Variants in C1QTNF9 observed in about 807,000 individuals in gnomAD.
C1QTNF9 encodes C1q and TNF related 9, also known as complement C1q and tumor necrosis factor-related protein 9A.
Under a neutral mutation model 10.1 loss-of-function variants are expected in C1QTNF9, and 6 were observed. The ratio of observed to expected loss-of-function variants is 0.59; its 90% CI spans 0.32 to 1.17. The LOEUF (loss-of-function observed/expected upper bound fraction) is 1.17, where lower values mean the gene tolerates loss of function less well. Among genes scored for constraint, C1QTNF9 ranks in the 50% most tolerant of loss-of-function variants. The pLI, the probability that C1QTNF9 is intolerant of heterozygous loss-of-function variation, is 0.04. For synonymous variants in C1QTNF9, 98 were observed against 163.5 expected, an observed-to-expected ratio of 0.60 and a Z score of 3.06; for missense variants, 201 against 418.8, an observed-to-expected ratio of 0.48 and a Z score of 4.54.
At chr13:24,309,932 G>A (rs2138798316) in intron 1 of C1QTNF9, among the ~76,000 whole-genome samples, 1 of 152,174 alleles carries the variant, frequency 6.6e-6, no homozygotes, top group Admixed American at 6.5e-5. Context: ...GTCTTGCTCT[G>A]TCGCCCAGGC....
chr13:24,310,373 G>A (rs1471555218), intron 1 of C1QTNF9, among the ~76,000 whole-genome samples: 4 of 147,308 alleles, frequency 2.7e-5, no homozygotes, highest in Non-Finnish European at 4.5e-5. Flanking sequence ...CTGTGGTCTC[G>A]ATCTCCTGAC....
chr13:24,313,144 G>A (rs866562002), intron 1 of C1QTNF9, among the ~76,000 whole-genome samples: 1 of 152,128 alleles, frequency 6.6e-6, no homozygotes, highest in Middle Eastern at 3.4e-3. Context: ...CAGAAATAGT[G>A]GCACAACTTA....
intron 1 of C1QTNF9, among the ~76,000 whole-genome samples, chr13:24,312,785 T>A (rs1219356101): frequency 1.3e-5 from 2 of 151,168 alleles, no homozygotes; most frequent in African/African-American, 2.4e-5. Context: ...TGAAACCCCG[T>A]CTCTACTAAA....
chr13:24,313,767 G>T (rs909223382), intron 1 of C1QTNF9, among the ~76,000 whole-genome samples: 3 of 152,076 alleles, frequency 2.0e-5, no homozygotes, highest in African/African-American at 7.2e-5. Context: ...TAAATGAAAA[G>T]CTCCCATAAC....
At chr13:24,310,911 CAAAAAA>C (rs58299891) in intron 1 of C1QTNF9, among the ~76,000 whole-genome samples, 4 of 83,042 alleles carry the variant, frequency 4.8e-5, no homozygotes, top group Admixed American at 1.2e-4. Flanking sequence ...GGCTCTGTCT[CAAAAAA>C]AAAAAAAAAA....
intron 1 of C1QTNF9, among the ~76,000 whole-genome samples, 186 bp downstream of exon 1, chr13:24,309,802 G>A (rs539955563): frequency 1.2e-4 from 18 of 152,312 alleles, no homozygotes; most frequent in Non-Finnish European, 2.2e-4. Context: ...AGGCTAAAGA[G>A]GAGATAAAAG....
chr13:24,313,105 TAAAC>T (rs1045569616), intron 1 of C1QTNF9, among the ~76,000 whole-genome samples: 50 of 152,218 alleles, frequency 3.3e-4, no homozygotes, highest in African/African-American at 6.3e-4. Context: ...TGTATCTCTA[TAAAC>T]AAACAAACAA....
Position 24,321,662 on chromosome 13 carries a change from A to G in C1QTNF9, c.896A>G (p.Asp299Gly). The change falls in exon 4 of 4, where the codon GAT (aspartate) becomes GGT (glycine). Residue 299 changes from aspartate (D) to glycine (G), a missense_variant. Around this residue, in one of 3 missense-constraint regions of C1QTNF9, gnomAD observed 86 missense variants for 87.0 expected, o/e 0.99. Transcript: ENST00000332018. ...ATTGTCCTGCAGCTGAAGCTCGGGG[A>G]TGAGGTGTGGCTGCAGGTGACAGGA... 3 of 1,614,166 alleles carry G rather than the reference A, an allele frequency of 1.9e-6. No homozygotes were observed. In the East Asian group the frequency reaches 6.7e-5, roughly 36 times the overall value.
At chr13:24,313,387 C>G (rs559480078) in intron 1 of C1QTNF9, among the ~76,000 whole-genome samples, 2 of 152,142 alleles carry the variant, frequency 1.3e-5, no homozygotes, top group African/African-American at 4.8e-5. Context: ...TCATTTTATT[C>G]CTGGAATAGT....
In C1QTNF9 at chr13:24,317,869, C is replaced by T. The variant is rs532583705; in HGVS notation, c.167-949C>T. On this transcript the variant is annotated intron_variant, in intron 2 of 3. Transcript: ENST00000332018. ...TGGAGGGGAGGGGAGGGGAGGGGAG[C>T]GCAGGGAGGGGCAAATGTAGGGATA... Among the ~76,000 whole-genome samples the T allele has an allele frequency of 4.8e-4, 73 of 151,066 alleles. 2 individuals are homozygous for T. The South Asian group carries it at 0.014, about 29-fold the overall frequency.
intron 1 of C1QTNF9, 197 bp from the exon 2 acceptor site, chr13:24,315,785 G>A: frequency 1.7e-6 from 1 of 581,724 alleles, no homozygotes; most frequent in Non-Finnish European, 2.9e-6. Context: ...CCAATCACAA[G>A]TGTTACCTTC....
At chr13:24,314,819 C>T (rs1039581665) in intron 1 of C1QTNF9, among the ~76,000 whole-genome samples, 2 of 150,656 alleles carry the variant, frequency 1.3e-5, no homozygotes, top group South Asian at 2.1e-4. Flanking sequence ...CTTCAGCCTG[C>T]GTGATGGAGC....
chr13:24,319,186 G>C (rs1878154479), intron 3 of C1QTNF9, among the ~76,000 whole-genome samples: 1 of 152,138 alleles, frequency 6.6e-6, no homozygotes, highest in Non-Finnish European at 1.5e-5. Context: ...TGTGAAGACT[G>C]AAATGGGAAT....
intron 2 of C1QTNF9, among the ~76,000 whole-genome samples, chr13:24,317,254 A>G (rs569309875): frequency 4.8e-5 from 6 of 125,876 alleles, no homozygotes; most frequent in Non-Finnish European, 1.1e-4. Flanking sequence ...GGACCACAGT[A>G]GTGTGTGTGT....
chr13:24,312,904 A>G lies in C1QTNF9; in HGVS notation c.-22-3078A>G, dbSNP rs375357203. ...CGGGAGGCAGAGCTTGCAGTGAGCC[A>G]AGATCGCGCCACTGCACTCCAGCCT... On this transcript the variant is annotated intron_variant, in intron 1 of 3. Coordinates refer to ENST00000332018, the Ensembl canonical transcript of C1QTNF9. Among the ~76,000 whole-genome samples, 71 of 151,556 alleles carry G rather than the reference A, an allele frequency of 4.7e-4. No individual in the cohort carries two copies. In the East Asian group the frequency reaches 6.0e-3, roughly 13 times the overall value.
Position 24,314,694 on chromosome 13 carries a change from C to CA in C1QTNF9, c.-22-1285dup, listed in dbSNP as rs1565955551. ...TCTCGAAAACAAAACAAAACAAAAC[C>CA]AAACCCAGGTGTGGTGGTGCATGCC... On this transcript the variant is annotated intron_variant, in intron 1 of 3. Transcript: ENST00000332018. Among the ~76,000 whole-genome samples, 123 of 151,736 alleles carry CA rather than the reference C, an allele frequency of 8.1e-4. 1 individual carries two copies. Among genetic ancestry groups the CA allele is most frequent in the African/African-American group, 2.9e-3 (120 of 41,278 alleles).
chr13:24,309,306 T>TATATATATATATATATATATATATA (rs963863876), upstream of C1QTNF9, among the ~76,000 whole-genome samples: 9 of 134,018 alleles, frequency 6.7e-5, no homozygotes, highest in African/African-American at 2.7e-4. Context: ...TATATATATA[T>TATATATATATATATATATATATATA]ATGAAAGAAA....
upstream of C1QTNF9, among the ~76,000 whole-genome samples, chr13:24,308,503 C>T (rs1007527676): frequency 6.6e-6 from 1 of 152,232 alleles, no homozygotes; most frequent in Non-Finnish European, 1.5e-5. Context: ...AATTAGATCC[C>T]GCCGCCCACC....
chr13:24,316,029 C>T lies in C1QTNF9; in HGVS notation c.26C>T (p.Ala9Val), dbSNP rs1336258343. 6.8e-6 allele frequency: 11 copies of T among 1,613,672 alleles called. No homozygotes were observed. In the South Asian group the frequency reaches 1.2e-4, roughly 18 times the overall value. ...ATGAGGATCTGGTGGCTTCTGCTTG[C>T]CATTGAAATCTGCACAGGGAACATA... Residue 9 changes from alanine (A) to valine (V), a missense_variant, in exon 2 of 4, where the codon GCC becomes GTC. Ala to Val is a moderately conservative substitution (Grantham distance 64). This residue lies in a region of C1QTNF9 where 53 missense variants were observed against 81.6 expected (regional missense o/e 0.65). Coordinates refer to ENST00000332018, the Ensembl canonical transcript of C1QTNF9.
Sources: allele counts gnomAD v4.1 joint callset (sites outside exome capture counted in the v4.1 genomes callset), GRCh38; gene constraint gnomAD v4.1.1; regional missense constraint gnomAD v4.1.1; transcripts MANE v1.5; gene names NCBI Gene and HGNC (gene_info 2026-07-23, HGNC 2026-07-21).